Variants in LINGO2 observed in about 807,000 individuals in gnomAD.
The protein encoded by LINGO2 is leucine-rich repeat and immunoglobulin-like domain-containing nogo receptor-interacting protein 2.
Under a neutral mutation model 30.6 loss-of-function variants are expected in LINGO2, and 14 were observed. The observed-to-expected ratio is 0.46, with a 90% CI of 0.30 to 0.72. LINGO2 has a LOEUF of 0.72. Ranked by LOEUF, LINGO2 falls within the 30% of genes least tolerant of loss-of-function variation. The pLI is 0.07. For missense variants in LINGO2, 729 were observed against 751.7 expected, an observed-to-expected ratio of 0.97 and a Z score of 0.35; for synonymous variants, 317 against 288.5, an observed-to-expected ratio of 1.10 and a Z score of -1.00.
intron 4 of LINGO2, among the ~76,000 whole-genome samples, chr9:28,057,348 A>G (rs192357852): frequency 6.6e-6 from 1 of 151,994 alleles, no homozygotes; most frequent in African/African-American, 2.4e-5. Context: ...AATCTACAAA[A>G]GGGAAACAGC....
chr9:28,238,439 C>CT (rs1821658574), intron 4 of LINGO2, among the ~76,000 whole-genome samples: 1 of 152,112 alleles, frequency 6.6e-6, no homozygotes, highest in South Asian at 2.1e-4. Flanking sequence ...CAGGAAATTT[C>CT]AGGCATCATC....
chr9:28,097,825 TAAA>T (rs972897739), intron 4 of LINGO2, among the ~76,000 whole-genome samples: 15 of 150,038 alleles, frequency 1.0e-4, no homozygotes, highest in African/African-American at 3.7e-4. Context: ...CCCTAAAACT[TAAA>T]ATATAATAAT....
chr9:27,970,280 T>TC (rs1820292257), intron 5 of LINGO2, among the ~76,000 whole-genome samples: 1 of 152,214 alleles, frequency 6.6e-6, no homozygotes, highest in East Asian at 1.9e-4. Context: ...ATGTAGACCC[T>TC]CCCTCTTGAC....
intron 1 of LINGO2, among the ~76,000 whole-genome samples, chr9:28,504,082 C>G (rs1254300340): frequency 6.6e-6 from 1 of 151,802 alleles, no homozygotes; most frequent in Non-Finnish European, 1.5e-5. Flanking sequence ...CTACGGTTCA[C>G]TAATCTATTC....
chr9:28,824,894 A>T, the LINGO2 span, among the ~76,000 whole-genome samples: 2 of 152,188 alleles, frequency 1.3e-5, no homozygotes, highest in South Asian at 4.1e-4. Flanking sequence ...ACCTTAAGCA[A>T]AAACTTGATC....
chr9:29,195,534 T>C, the LINGO2 span, among the ~76,000 whole-genome samples: 2 of 152,128 alleles, frequency 1.3e-5, no homozygotes, highest in Admixed American at 6.5e-5. Flanking sequence ...ACTGTTTTCA[T>C]AATGGCTGTG....
At chr9:29,186,881 T>C in the LINGO2 span, among the ~76,000 whole-genome samples, 1 of 152,068 alleles carries the variant, frequency 6.6e-6, no homozygotes, top group African/African-American at 2.4e-5. Flanking sequence ...ACTTGGCCCA[T>C]AAGAAAGACC....
chr9:28,056,059 T>G (rs767122369), intron 4 of LINGO2, among the ~76,000 whole-genome samples: 2 of 152,098 alleles, frequency 1.3e-5, no homozygotes, highest in Admixed American at 1.3e-4. Context: ...AAAGGAAAGA[T>G]CCAGAGAAAA....
chr9:28,236,383 G>T (rs550951372), intron 4 of LINGO2, among the ~76,000 whole-genome samples: 1 of 152,226 alleles, frequency 6.6e-6, no homozygotes, highest in South Asian at 2.1e-4. Flanking sequence ...ATTATCTAAA[G>T]GCACAAAACT....
chr9:28,306,868 G>T (rs891019020), intron 3 of LINGO2, among the ~76,000 whole-genome samples: 2 of 152,158 alleles, frequency 1.3e-5, no homozygotes, highest in Admixed American at 1.3e-4. Flanking sequence ...ACCTTCCCAA[G>T]ATTAAACCAC....
chr9:28,072,170 G>A (rs1825498212), intron 4 of LINGO2, among the ~76,000 whole-genome samples: 1 of 152,076 alleles, frequency 6.6e-6, no homozygotes, highest in African/African-American at 2.4e-5. Flanking sequence ...TCTGGGAAAG[G>A]GACTCGCACA....
At chr9:28,839,711 A>G in the LINGO2 span, among the ~76,000 whole-genome samples, 1 of 152,254 alleles carries the variant, frequency 6.6e-6, no homozygotes, top group African/African-American at 2.4e-5. Context: ...AGGGTTGGAT[A>G]AAGTACCATA....
chr9:28,296,344 T>C (rs1823920289), intron 3 of LINGO2, among the ~76,000 whole-genome samples: 1 of 152,160 alleles, frequency 6.6e-6, no homozygotes, highest in Non-Finnish European at 1.5e-5. Flanking sequence ...AACAACCATA[T>C]TTAGTAATAC....
the LINGO2 span, among the ~76,000 whole-genome samples, chr9:29,123,739 T>G: frequency 6.6e-6 from 1 of 152,052 alleles, no homozygotes; most frequent in Non-Finnish European, 1.5e-5. Context: ...TCAAATACAC[T>G]AACAATGAAC....
At chr9:29,086,031 G>GA in the LINGO2 span, among the ~76,000 whole-genome samples, 6 of 152,090 alleles carry the variant, frequency 3.9e-5, no homozygotes, top group Non-Finnish European at 7.4e-5. Flanking sequence ...AAGCTCAGTG[G>GA]AAAAGGTGGG....
the LINGO2 span, among the ~76,000 whole-genome samples, chr9:28,702,257 AT>A: frequency 6.6e-6 from 1 of 151,462 alleles, no homozygotes; most frequent in African/African-American, 2.4e-5. Flanking sequence ...TAACTTTAGA[AT>A]TTTTTTTGTA....
the LINGO2 span, among the ~76,000 whole-genome samples, chr9:28,995,048 A>G: frequency 6.6e-6 from 1 of 151,994 alleles, no homozygotes; most frequent in Non-Finnish European, 1.5e-5. Context: ...GAGCTTCTGC[A>G]CAGCAAAAGA....
the LINGO2 span, among the ~76,000 whole-genome samples, chr9:29,126,196 CA>C: frequency 3.9e-5 from 6 of 152,012 alleles, no homozygotes; most frequent in Non-Finnish European, 5.9e-5. Context: ...AAAATAGTTT[CA>C]AAAGAAAATA....
chr9:28,890,706 A>C, the LINGO2 span, among the ~76,000 whole-genome samples: 129,433 of 152,000 alleles, frequency 0.85, 55,290 homozygotes, highest in Non-Finnish European at 0.89. Flanking sequence ...ATCATATGCT[A>C]TAAAGGTTAT....
Sources: gnomAD v4.1 joint callset for allele counts (sites outside exome capture counted in the v4.1 genomes callset) on GRCh38, gnomAD v4.1.1 for gene constraint, MANE v1.5 for transcripts, NCBI Gene and HGNC (gene_info 2026-07-23, HGNC 2026-07-21) for gene names.